Variants in CCDC171 observed in about 807,000 individuals in gnomAD.
CCDC171 encodes coiled-coil domain-containing protein 171.
A neutral mutation model predicts 168.2 loss-of-function variants in CCDC171; 177 were observed. The observed-to-expected ratio is 1.05, with a 90% CI of 0.93 to 1.19. The LOEUF is 1.19. CCDC171 is among the 50% of genes most tolerant of loss of function. The pLI is 0.00. For synonymous variants in CCDC171, 687 were observed against 540.8 expected (o/e 1.27, Z -3.75); for missense variants, 1,991 against 1,539.0 (o/e 1.29, Z -4.91).
At chr9:15,955,278 G>T (rs1207540124) in intron 25 of CCDC171, among the ~76,000 whole-genome samples, 3 of 152,092 alleles carry the variant, frequency 2.0e-5, no homozygotes, top group Non-Finnish European at 4.4e-5. Flanking sequence ...TCCCAAAGGG[G>T]GGAAAAGAGA....
At chr9:15,707,509 C>G (rs1411886048) in intron 11 of CCDC171, among the ~76,000 whole-genome samples, 1 of 152,184 alleles carries the variant, frequency 6.6e-6, no homozygotes, top group African/African-American at 2.4e-5. Context: ...AATCACTACT[C>G]ATTTCCAACC....
At chr9:15,778,063 C>T (rs554116668) in intron 19 of CCDC171, among the ~76,000 whole-genome samples, 7 of 150,290 alleles carry the variant, frequency 4.7e-5, no homozygotes, top group Non-Finnish European at 7.4e-5. Context: ...TTTGGGAGGC[C>T]GAGGCGGGTG....
At chr9:15,658,489 C>T (rs773159411) in intron 8 of CCDC171, among the ~76,000 whole-genome samples, 3 of 152,176 alleles carry the variant, frequency 2.0e-5, no homozygotes, top group Non-Finnish European at 4.4e-5. Flanking sequence ...TCCACATCTG[C>T]CCTTATCCTC....
chr9:15,810,408 C>T lies in CCDC171; in HGVS notation c.3267+25714C>T, dbSNP rs545397124. Among the ~76,000 whole-genome samples the T allele has an allele frequency of 2.6e-3, 388 of 151,818 alleles. 2 individuals are homozygous for T. Among genetic ancestry groups the T allele is most frequent in the Middle Eastern group, 0.01 (3 of 294 alleles). On this transcript the variant is annotated intron_variant, in intron 21 of 25. Transcript: ENST00000380701. Reference sequence around the variant, plus strand: ...CACACTGTGTGCCTGCACTCCTCAGCCCTTGGGAGGTAAATGGGACCGGGC... The same window carrying T: ...CACACTGTGTGCCTGCACTCCTCAGTCCTTGGGAGGTAAATGGGACCGGGC...
chr9:15,964,282 C>T (rs986505572), intron 25 of CCDC171, among the ~76,000 whole-genome samples: 16 of 151,964 alleles, frequency 1.1e-4, no homozygotes, highest in African/African-American at 3.9e-4. Context: ...AAGAAAATTA[C>T]TTGTATGGGG....
At chr9:15,828,647 A>C (rs951864539) in intron 21 of CCDC171, among the ~76,000 whole-genome samples, 15 of 152,208 alleles carry the variant, frequency 9.9e-5, no homozygotes, top group African/African-American at 3.4e-4. Context: ...CATTCTCTAT[A>C]GGGTGCTACA....
chr9:15,804,458 A>G (rs1004616228), intron 21 of CCDC171, among the ~76,000 whole-genome samples: 1 of 117,210 alleles, frequency 8.5e-6, no homozygotes, highest in Admixed American at 8.0e-5. Flanking sequence ...ATTTTATCGA[A>G]GGCCTTTTTT....
chr9:15,966,597 C>CT (rs935703151), intron 25 of CCDC171, among the ~76,000 whole-genome samples: 20 of 152,282 alleles, frequency 1.3e-4, no homozygotes, highest in Non-Finnish European at 1.9e-4. Context: ...TATTCTACCT[C>CT]TTTTTTCTGA....
intron 10 of CCDC171, among the ~76,000 whole-genome samples, chr9:15,687,827 G>A (rs1210294688): frequency 6.6e-6 from 1 of 152,124 alleles, no homozygotes; most frequent in Non-Finnish European, 1.5e-5. Context: ...TGGTTAAGAA[G>A]AAATATAAAA....
chr9:15,990,407 C>G (rs958751998), intron 3 of CCDC171, among the ~76,000 whole-genome samples: 1 of 152,178 alleles, frequency 6.6e-6, no homozygotes, highest in Non-Finnish European at 1.5e-5. Context: ...GCCTGCCTTA[C>G]AAGAGTTCCT....
chr9:15,737,889 T>A (rs886398620), intron 16 of CCDC171, among the ~76,000 whole-genome samples: 1 of 152,180 alleles, frequency 6.6e-6, no homozygotes. Flanking sequence ...ATGGCTGCAC[T>A]ATTTTACAAT....
In CCDC171 at chr9:15,818,530, C is replaced by T. The variant is rs562601560; in HGVS notation, c.3268-28172C>T. Among the ~76,000 whole-genome samples the T allele has an allele frequency of 4.2e-4, 50 of 118,128 alleles. 14 individuals carry two copies. The highest frequency in any genetic ancestry group is 1.3e-3 in the African/African-American group (42 of 31,518). 77.5% of individuals were successfully genotyped at this position (118,128 alleles called of 152,430 possible). A position where few individuals can be genotyped will look rare whatever the true frequency, so the allele number is the denominator to read the frequency against. ...CCTGATGAAGCTGAAAACCACGGCACGAGAACTACGTGATAAATGCACAAG... is the reference window on the plus strand; with the variant it reads ...CCTGATGAAGCTGAAAACCACGGCATGAGAACTACGTGATAAATGCACAAG... On this transcript the variant is annotated intron_variant, in intron 21 of 25. Coordinates refer to ENST00000380701, the MANE Select transcript of CCDC171 (RefSeq NM_173550.4).
intron 24 of CCDC171, 145 bp from the exon 25 acceptor site, chr9:15,920,125 A>C: frequency 4.3e-6 from 2 of 466,888 alleles, no homozygotes; most frequent in East Asian, 6.4e-5. Context: ...TCAATATAAA[A>C]TGTTAGGTTT....
intron 24 of CCDC171, among the ~76,000 whole-genome samples, chr9:15,881,638 C>G (rs1333610672): frequency 2.0e-5 from 3 of 152,166 alleles, no homozygotes; most frequent in African/African-American, 7.2e-5. Context: ...AACCACTACC[C>G]TTCCTGGCCT....
At chr9:16,029,819 A>T (rs1161714608) in intron 6 of CCDC171, among the ~76,000 whole-genome samples, 1 of 152,206 alleles carries the variant, frequency 6.6e-6, no homozygotes. Flanking sequence ...AGGGGCTTGT[A>T]TGTGTTCAAC....
intron 7 of CCDC171, among the ~76,000 whole-genome samples, chr9:15,642,590 A>G (rs770492144): frequency 6.6e-6 from 1 of 151,884 alleles, no homozygotes; most frequent in Non-Finnish European, 1.5e-5. Flanking sequence ...ATTTAAAAAA[A>G]TTATTAAGAA....
intron 1 of CCDC171, among the ~76,000 whole-genome samples, chr9:16,048,166 G>A (rs11794657): frequency 0.1 from 15,379 of 152,266 alleles, 1,006 homozygotes; most frequent in Middle Eastern, 0.16. Context: ...GTAAGAATTC[G>A]CTACTCAGTC....
At chr9:16,076,957 T>C in the CCDC171 span, among the ~76,000 whole-genome samples, 2 of 152,256 alleles carry the variant, frequency 1.3e-5, no homozygotes, top group Admixed American at 1.3e-4. Context: ...ATGGCTTGGA[T>C]ATTTGGATAA....
At chr9:15,576,175 A>G (rs996294950) in intron 3 of CCDC171, among the ~76,000 whole-genome samples, 2 of 150,944 alleles carry the variant, frequency 1.3e-5, no homozygotes, top group Non-Finnish European at 1.5e-5. Context: ...ACATGTATAT[A>G]TATTTGTTGT....
Sources: gnomAD v4.1 joint callset for allele counts (sites outside exome capture counted in the v4.1 genomes callset) on GRCh38, gnomAD v4.1.1 for gene constraint, MANE v1.5 for transcripts, NCBI Gene and HGNC (gene_info 2026-07-23, HGNC 2026-07-21) for gene names.